The following DNER variants were observed in gnomAD, a reference collection of about 807,000 sequenced individuals.
The protein encoded by DNER is delta and Notch-like epidermal growth factor-related receptor.
A neutral mutation model predicts 78.2 loss-of-function variants in DNER; 33 were observed. The observed-to-expected ratio is 0.42, with a 90% CI of 0.32 to 0.56. The LOEUF (loss-of-function observed/expected upper bound fraction) is 0.56. Among genes scored for constraint, DNER ranks in the 20% least tolerant of loss-of-function variants. The pLI is 0.11. For synonymous variants in DNER, 417 were observed against 384.8 expected (o/e 1.08, Z -0.98); for missense variants, 918 against 975.3 (o/e 0.94, Z 0.78).
chr2:229,449,983 T>C (rs1574848444), intron 7 of DNER, among the ~76,000 whole-genome samples: 1 of 152,160 alleles, frequency 6.6e-6, no homozygotes, highest in East Asian at 1.9e-4. Context: ...GGCTTTACCA[T>C]GTTGGTCAGG....
intron 1 of DNER, among the ~76,000 whole-genome samples, chr2:229,695,988 C>G (rs1253003021): frequency 6.6e-6 from 1 of 152,054 alleles, no homozygotes; most frequent in Non-Finnish European, 1.5e-5. Context: ...ACAAACTGAG[C>G]CAAAAAAACA....
At chr2:229,711,042 CT>C (rs1444466557) in intron 1 of DNER, among the ~76,000 whole-genome samples, 1 of 150,440 alleles carries the variant, frequency 6.6e-6, no homozygotes, top group Non-Finnish European at 1.5e-5. Context: ...AGGTTTACTG[CT>C]GACATAATGG....
chr2:229,459,573 C>T (rs1694647411), intron 7 of DNER, among the ~76,000 whole-genome samples: 1 of 152,064 alleles, frequency 6.6e-6, no homozygotes, highest in African/African-American at 2.4e-5. Flanking sequence ...GGTTCAGAGA[C>T]TTCGCTTTAG....
intron 10 of DNER, among the ~76,000 whole-genome samples, chr2:229,392,760 C>T (rs1238869666): frequency 6.6e-6 from 1 of 152,090 alleles, no homozygotes; most frequent in African/African-American, 2.4e-5. Context: ...ACATTCACCT[C>T]CCCAAAATGT....
rs139367373 is a variant in DNER at position 229,530,254 on chromosome 2, T to C, written c.993+16693A>G. On this transcript the variant is annotated intron_variant, in intron 5 of 12. Coordinates refer to ENST00000341772, the MANE Select transcript of DNER (RefSeq NM_139072.4). ...ATACTTCAATGTTCCCCCAGATTCC[T>C]GCCAAAATATTGCCACTGTGCAAAA... Among the ~76,000 whole-genome samples the C allele has an allele frequency of 1.1e-3, 160 of 152,344 alleles. 1 individual carries two copies. Among genetic ancestry groups the C allele is most frequent in the African/African-American group, 3.7e-3 (154 of 41,578 alleles).
intron 1 of DNER, among the ~76,000 whole-genome samples, chr2:229,599,381 A>G (rs1403295559): frequency 1.3e-5 from 2 of 152,238 alleles, no homozygotes; most frequent in Non-Finnish European, 2.9e-5. Flanking sequence ...AACAAAAACA[A>G]TAGCCTTAAA....
intron 7 of DNER, among the ~76,000 whole-genome samples, chr2:229,455,760 C>A (rs1694559232): frequency 6.6e-6 from 1 of 152,092 alleles, no homozygotes; most frequent in Admixed American, 6.5e-5. Context: ...TAATAGCAAA[C>A]ACTTGTATGT....
chr2:229,647,850 T>C (rs1346722796), intron 1 of DNER, among the ~76,000 whole-genome samples: 1 of 152,238 alleles, frequency 6.6e-6, no homozygotes, highest in Non-Finnish European at 1.5e-5. Flanking sequence ...ATCTATGACA[T>C]ATTTGCATAT....
intron 6 of DNER, among the ~76,000 whole-genome samples, chr2:229,501,666 C>T (rs1459426630): frequency 6.6e-6 from 1 of 152,130 alleles, no homozygotes; most frequent in African/African-American, 2.4e-5. Context: ...ATTCATTCAT[C>T]AAACAAAATA....
chr2:229,413,798 AT>A (rs1693583365), intron 9 of DNER, among the ~76,000 whole-genome samples: 2 of 150,942 alleles, frequency 1.3e-5, no homozygotes. Flanking sequence ...AGTTTAAAAA[AT>A]ATCAATATTA....
At chr2:229,522,850 T>C (rs1288218254) in intron 5 of DNER, among the ~76,000 whole-genome samples, 1 of 152,216 alleles carries the variant, frequency 6.6e-6, no homozygotes, top group Non-Finnish European at 1.5e-5. Flanking sequence ...CCAGGTATCA[T>C]GGGAGGCTTC....
At chr2:229,495,962 A>G (rs989514180) in intron 6 of DNER, among the ~76,000 whole-genome samples, 1 of 152,218 alleles carries the variant, frequency 6.6e-6, no homozygotes, top group East Asian at 1.9e-4. Flanking sequence ...TATTGGCCAC[A>G]TGTAAACCAT....
chr2:229,552,532 T>C (rs1264436821), intron 4 of DNER, among the ~76,000 whole-genome samples: 1 of 152,170 alleles, frequency 6.6e-6, no homozygotes, highest in African/African-American at 2.4e-5. Context: ...CTCCTGATAG[T>C]GAGCGAGTTC....
At chr2:229,710,983 G>GTGCACA (rs1553555263) in intron 1 of DNER, among the ~76,000 whole-genome samples, 1 of 139,724 alleles carries the variant, frequency 7.2e-6, no homozygotes, top group African/African-American at 2.7e-5. Context: ...GCATACACGC[G>GTGCACA]CACACACACA....
At chr2:229,709,874 C>G (rs1333001648) in intron 1 of DNER, among the ~76,000 whole-genome samples, 1 of 152,168 alleles carries the variant, frequency 6.6e-6, no homozygotes, top group Non-Finnish European at 1.5e-5. Flanking sequence ...ATAGCCCCTT[C>G]TTTGACGGAC....
Position 229,516,799 on chromosome 2 carries a change from A to AG in DNER, c.994-3864_994-3863insC, listed in dbSNP as rs1392598928. Among the ~76,000 whole-genome samples, 359 of 148,688 alleles carry AG rather than the reference A, an allele frequency of 2.4e-3. 1 individual carries two copies. The highest frequency in any genetic ancestry group is 0.011 in the South Asian group (50 of 4,642). ...GACGCTGTCTCTAAAAAAAAAAAAA[A>AG]AAAAAGAAAAGAAAAGAAAAGAAAA... On this transcript the variant is annotated intron_variant, in intron 5 of 12. Transcript: ENST00000341772.
At chr2:229,594,574 A>C (rs531878026) in intron 1 of DNER, among the ~76,000 whole-genome samples, 21 of 145,208 alleles carry the variant, frequency 1.4e-4, no homozygotes, top group African/African-American at 5.3e-4. Flanking sequence ...GCAACAGAAC[A>C]AGACTCCATC....
intron 4 of DNER, among the ~76,000 whole-genome samples, chr2:229,565,849 T>A (rs765126506): frequency 7.2e-5 from 11 of 152,218 alleles, no homozygotes; most frequent in Non-Finnish European, 1.3e-4. Context: ...CTTTATTTAA[T>A]CTCTTTTTCA....
At chr2:229,433,972 T>C (rs1694069119) in intron 8 of DNER, among the ~76,000 whole-genome samples, 1 of 152,182 alleles carries the variant, frequency 6.6e-6, no homozygotes, top group African/African-American at 2.4e-5. Flanking sequence ...GAAAAAAGCA[T>C]AAACAATCTA....
Sources: allele counts gnomAD v4.1 joint callset (sites outside exome capture counted in the v4.1 genomes callset), GRCh38; gene constraint gnomAD v4.1.1; transcripts MANE v1.5; gene names NCBI Gene and HGNC (gene_info 2026-07-23, HGNC 2026-07-21).